Variants in ICA1 observed in about 807,000 individuals in gnomAD.
The protein encoded by ICA1 is 69 kDa islet cell autoantigen.
A neutral mutation model predicts 71.0 loss-of-function variants in ICA1; 40 were observed. That is an observed-to-expected ratio of 0.56 (90% CI 0.44 to 0.73). ICA1 has a LOEUF of 0.73. ICA1 is among the 30% of genes least tolerant of loss of function. The probability of loss-of-function intolerance (pLI) is 0.00; values close to 1 mark genes in which losing one functional copy is unlikely to be tolerated. For missense variants in ICA1, 578 were observed against 576.5 expected, an observed-to-expected ratio of 1.00 and a Z score of -0.03; for synonymous variants, 207 against 209.5, an observed-to-expected ratio of 0.99 and a Z score of 0.10.
intron 13 of ICA1, among the ~76,000 whole-genome samples, chr7:8,126,381 G>A (rs142684369): frequency 1.1e-4 from 17 of 152,228 alleles, no homozygotes; most frequent in East Asian, 3.9e-4. Context: ...TGCAGCTCCC[G>A]TGAATGAGGT....
At chr7:8,216,006 G>C (rs1795286275) in intron 6 of ICA1, among the ~76,000 whole-genome samples, 1 of 152,236 alleles carries the variant, frequency 6.6e-6, no homozygotes, top group Non-Finnish European at 1.5e-5. Context: ...AACTCCAAGT[G>C]AAGGGAAAAC....
At chr7:8,201,829 C>T (rs759691564) in intron 6 of ICA1, among the ~76,000 whole-genome samples, 3 of 152,152 alleles carry the variant, frequency 2.0e-5, no homozygotes, top group Non-Finnish European at 4.4e-5. Context: ...TAGGGAGATT[C>T]ATCAGAGGAA....
At chr7:8,200,500 C>G (rs1330969221) in intron 6 of ICA1, among the ~76,000 whole-genome samples, 1 of 152,076 alleles carries the variant, frequency 6.6e-6, no homozygotes, top group Non-Finnish European at 1.5e-5. Context: ...AACAGATTGA[C>G]TTCCTGTTTG....
At position 8,124,399 on chromosome 7, in the gene ICA1, A is replaced by G. The variant is rs113452207; in HGVS notation, c.1330+3474T>C. Reference sequence around the variant, plus strand: ...CTCCCAAAGTGCTGGGATTACAGGCATGAGCCACCGCGCCCAGCCGTGTAT... The same window carrying G: ...CTCCCAAAGTGCTGGGATTACAGGCGTGAGCCACCGCGCCCAGCCGTGTAT... On this transcript the variant is annotated intron_variant, in intron 13 of 13. Transcript: ENST00000402384. Among the ~76,000 whole-genome samples the G allele has an allele frequency of 7.1e-3, 1,082 of 151,416 alleles. 10 individuals are homozygous for G. The highest frequency in any genetic ancestry group is 0.02 in the Middle Eastern group (6 of 294).
At chr7:8,192,984 C>G (rs1487443849) in intron 6 of ICA1, among the ~76,000 whole-genome samples, 1 of 152,188 alleles carries the variant, frequency 6.6e-6, no homozygotes, top group Admixed American at 6.5e-5. Context: ...TTACCTGCCT[C>G]AAATTTGAAT....
chr7:8,133,991 C>T lies in ICA1; in HGVS notation c.1060+4849G>A, dbSNP rs1440661239. Among the ~76,000 whole-genome samples the T allele has an allele frequency of 3.9e-5, 6 of 151,952 alleles. No homozygotes were observed. The East Asian group carries it at 5.8e-4, about 15-fold the overall frequency. ...TAGTTACAGACAATCTTGCTAGGGA[C>T]CCCAACTCACAGTCAAGGTGTTTTC... On this transcript the variant is annotated intron_variant, in intron 12 of 13. Transcript: ENST00000402384.
intron 13 of ICA1, among the ~76,000 whole-genome samples, chr7:8,127,543 GGGCGGAGT>G (rs1417816546): frequency 7.2e-5 from 11 of 152,308 alleles, no homozygotes; most frequent in African/African-American, 2.4e-4. Flanking sequence ...GGTGAACTCA[GGGCGGAGT>G]GGCCAAGTCA....
intron 6 of ICA1, among the ~76,000 whole-genome samples, chr7:8,193,538 C>T (rs1022119954): frequency 3.3e-5 from 5 of 152,182 alleles, no homozygotes; most frequent in Admixed American, 1.3e-4. Flanking sequence ...CCAGGAATGA[C>T]ATTAAATCAA....
chr7:8,215,645 T>C (rs576947710), intron 6 of ICA1, among the ~76,000 whole-genome samples: 1 of 152,330 alleles, frequency 6.6e-6, no homozygotes, highest in South Asian at 2.1e-4. Context: ...AATAAATGAA[T>C]GAGTGGATAC....
chr7:8,147,354 T>G (rs1442164455), intron 8 of ICA1, among the ~76,000 whole-genome samples: 2 of 152,158 alleles, frequency 1.3e-5, no homozygotes, highest in African/African-American at 4.8e-5. Context: ...CAATCACAGT[T>G]AAGTCACTAT....
intron 2 of ICA1, among the ~76,000 whole-genome samples, chr7:8,235,537 T>C (rs990662873): frequency 6.6e-6 from 1 of 152,240 alleles, no homozygotes; most frequent in Non-Finnish European, 1.5e-5. Flanking sequence ...CTTTATTTTA[T>C]AGCTACCCTA....
At chr7:8,167,605 C>T (rs550112610) in intron 6 of ICA1, among the ~76,000 whole-genome samples, 3 of 152,258 alleles carry the variant, frequency 2.0e-5, no homozygotes, top group African/African-American at 4.8e-5. Flanking sequence ...AACAAACCTG[C>T]ACCTGTACCC....
In ICA1 at chr7:8,113,810, T is replaced by A. The variant is rs1783885773; in HGVS notation, c.*113A>T. The A allele has an allele frequency of 8.5e-7, 1 of 1,180,536 alleles. No individual in the cohort carries two copies. Among genetic ancestry groups the A allele is most frequent in the Non-Finnish European group, 1.2e-6 (1 of 808,280 alleles). The allele number at this position is 1,180,536 out of a possible 1,614,324, so 73.1% of individuals were successfully genotyped here. ...AACAGGGCCGTTGACCCTTTCATTTTATTAAAATGGCACATAATTATTAAA... is the reference window on the plus strand; with the variant it reads ...AACAGGGCCGTTGACCCTTTCATTTAATTAAAATGGCACATAATTATTAAA... On this transcript the variant is annotated 3_prime_UTR_variant, in exon 14 of 14. Coordinates refer to ENST00000402384, the MANE Select transcript of ICA1 (RefSeq NM_001136020.3). The surrounding 1 kb of genome is among the most constrained non-coding windows in gnomAD (Gnocchi z 4.2).
At chr7:8,116,694 G>C (rs760934089) in intron 13 of ICA1, 5 of 152,190 alleles carry the variant, frequency 3.3e-5, no homozygotes, top group Admixed American at 2.0e-4. Context: ...ATGGGGAAAA[G>C]CTTAAAAAAG....
chr7:8,233,854 T>C (rs1057273361), intron 2 of ICA1, among the ~76,000 whole-genome samples: 4 of 152,214 alleles, frequency 2.6e-5, no homozygotes, highest in African/African-American at 9.6e-5. Flanking sequence ...TCCATATAAA[T>C]GCTTAAAATA....
Position 8,158,523 on chromosome 7 carries a change from T to G in ICA1, c.705+4A>C, listed in dbSNP as rs372639629. On this transcript the variant is annotated splice_donor_region_variant and intron_variant, in intron 7 of 13. Coordinates refer to ENST00000402384, the MANE Select transcript of ICA1 (RefSeq NM_001136020.3). ...GTTCATTGCAACAAACATTATTTTG[T>G]TACCTGGTATGTTGCTAGCATGTGA... 17 of 1,613,572 alleles carry G rather than the reference T, an allele frequency of 1.1e-5. No homozygotes were observed. Among genetic ancestry groups the G allele is most frequent in the Non-Finnish European group, 1.4e-5 (17 of 1,179,836 alleles).
chr7:8,219,259 C>T (rs11978063), intron 5 of ICA1, among the ~76,000 whole-genome samples: 2,313 of 152,316 alleles, frequency 0.015, 60 homozygotes, highest in African/African-American at 0.053. Context: ...TCTTCCATCT[C>T]CCTACCCAAA....
intron 6 of ICA1, among the ~76,000 whole-genome samples, chr7:8,208,586 G>A (rs1346562299): frequency 6.6e-6 from 1 of 152,208 alleles, no homozygotes; most frequent in Admixed American, 6.5e-5. Context: ...AAGATGATAT[G>A]TGAGCTGTTA....
chr7:8,144,310 T>C lies in ICA1; in HGVS notation c.805-338A>G, dbSNP rs544467373. ...AACTTTATTTTTCAACTTCAACATG[T>C]AGTTAAGATAAACATTCTGTTCTGT... On this transcript the variant is annotated intron_variant, in intron 8 of 13. Coordinates refer to ENST00000402384, the MANE Select transcript of ICA1 (RefSeq NM_001136020.3). This position sits in a 1 kb window ranked among gnomAD's most constrained non-coding sequence, Gnocchi z 4.5. Among the ~76,000 whole-genome samples, 178 of 152,348 alleles carry C rather than the reference T, an allele frequency of 1.2e-3. No homozygotes were observed. Among genetic ancestry groups the C allele is most frequent in the African/African-American group, 4.2e-3 (175 of 41,584 alleles).
Sources: allele counts gnomAD v4.1 joint callset (sites outside exome capture counted in the v4.1 genomes callset), GRCh38; gene constraint gnomAD v4.1.1; non-coding constraint Gnocchi (gnomAD v3.1); transcripts MANE v1.5; gene names NCBI Gene and HGNC (gene_info 2026-07-23, HGNC 2026-07-21).